Variants in REC114 observed in about 807,000 individuals in gnomAD.
REC114 encodes REC114 meiotic recombination protein, also known as meiotic recombination protein REC114.
In REC114, 27 loss-of-function variants were observed where a neutral mutation model predicts 31.3. The observed-to-expected ratio is 0.86, with a 90% CI of 0.64 to 1.19. The LOEUF (loss-of-function observed/expected upper bound fraction) is 1.19, where lower values mean the gene tolerates loss of function less well. Among genes scored for constraint, REC114 ranks in the 50% most tolerant of loss-of-function variants. The pLI, the probability that REC114 is intolerant of heterozygous loss-of-function variation, is 0.00. For synonymous variants in REC114, 134 were observed against 127.7 expected, an observed-to-expected ratio of 1.05 and a Z score of -0.33; for missense variants, 344 against 326.9, an observed-to-expected ratio of 1.05 and a Z score of -0.40.
chr15:73,467,347 G>A (rs1893076310), intron 1 of REC114, among the ~76,000 whole-genome samples: 2 of 152,158 alleles, frequency 1.3e-5, no homozygotes, highest in African/African-American at 4.8e-5. Flanking sequence ...ACCAAGCATT[G>A]CTTTATTGCC....
intron 2 of REC114, among the ~76,000 whole-genome samples, chr15:73,488,306 T>A (rs1303575795): frequency 6.6e-6 from 1 of 152,266 alleles, no homozygotes; most frequent in Non-Finnish European, 1.5e-5. Context: ...ACTATTCTTT[T>A]TATCAAATAG....
chr15:73,453,114 A>G (rs1892872515), intron 1 of REC114, among the ~76,000 whole-genome samples: 1 of 152,226 alleles, frequency 6.6e-6, no homozygotes, highest in South Asian at 2.1e-4. Context: ...AATGGCAACA[A>G]AAGCCAAAAT....
intron 2 of REC114, among the ~76,000 whole-genome samples, chr15:73,505,734 G>A (rs1893667460): frequency 6.6e-6 from 1 of 152,124 alleles, no homozygotes; most frequent in East Asian, 1.9e-4. Context: ...GGATTTCACC[G>A]TGTTAGCCAG....
chr15:73,502,265 A>C (rs982491709), intron 2 of REC114, among the ~76,000 whole-genome samples: 1 of 152,166 alleles, frequency 6.6e-6, no homozygotes, highest in African/African-American at 2.4e-5. Flanking sequence ...TAGAAAAAAA[A>C]ATATAAAAGC....
chr15:73,466,217 T>C (rs995461243), intron 1 of REC114, among the ~76,000 whole-genome samples: 8 of 152,204 alleles, frequency 5.3e-5, no homozygotes, highest in African/African-American at 1.9e-4. Flanking sequence ...TGATATTTTA[T>C]GAAATTGTTC....
At chr15:73,537,107 C>T (rs923493566) in intron 2 of REC114, among the ~76,000 whole-genome samples, 9 of 152,112 alleles carry the variant, frequency 5.9e-5, no homozygotes, top group African/African-American at 1.9e-4. Context: ...TATTCATTAG[C>T]GAGCAAAACG....
intron 1 of REC114, among the ~76,000 whole-genome samples, chr15:73,448,844 A>G (rs922832928): frequency 1.3e-5 from 2 of 152,210 alleles, no homozygotes; most frequent in African/African-American, 4.8e-5. Flanking sequence ...GGTGATACCC[A>G]GGCAAACAGG....
intron 3 of REC114, among the ~76,000 whole-genome samples, chr15:73,548,958 A>G (rs547421577): frequency 2.1e-4 from 32 of 152,226 alleles, no homozygotes; most frequent in Non-Finnish European, 4.0e-4. Context: ...GTTCTCACTT[A>G]TAAGTGGGAG....
At chr15:73,470,025 A>C (rs1595863393) in intron 1 of REC114, among the ~76,000 whole-genome samples, 1 of 152,184 alleles carries the variant, frequency 6.6e-6, no homozygotes, top group Non-Finnish European at 1.5e-5. Flanking sequence ...TTATATTTAA[A>C]GTGCATTTCT....
chr15:73,473,400 C>CA (rs945748563), intron 1 of REC114, among the ~76,000 whole-genome samples: 2 of 149,636 alleles, frequency 1.3e-5, no homozygotes, highest in East Asian at 1.9e-4. Context: ...AAAAAAAAAA[C>CA]AAAAAAGAAA....
Position 73,530,747 on chromosome 15 carries a change from AT to A in REC114, c.250-9727del, listed in dbSNP as rs61336545. 8.7e-3 allele frequency among the ~76,000 whole-genome samples: 1,305 copies of A among 149,738 alleles called. 15 individuals are homozygous for A. The highest frequency in any genetic ancestry group is 0.013 in the Non-Finnish European group (888 of 67,400). On this transcript the variant is annotated intron_variant, in intron 2 of 5. Transcript: ENST00000331090. ...ATTTGTAGCAATTCTCTTATCATGG[AT>A]TTTTTTTTTTCTGTTTTCAGTGAAA...
At chr15:73,538,658 G>C (rs1045873828) in intron 2 of REC114, among the ~76,000 whole-genome samples, 1 of 151,628 alleles carries the variant, frequency 6.6e-6, no homozygotes, top group African/African-American at 2.4e-5. Context: ...GGGTTTCTCT[G>C]TGTTAGCCAA....
intron 3 of REC114, among the ~76,000 whole-genome samples, chr15:73,549,684 ACT>A (rs1215787859): frequency 1.3e-5 from 2 of 151,894 alleles, no homozygotes; most frequent in African/African-American, 4.8e-5. Flanking sequence ...GATATATATG[ACT>A]CTTCATATTT....
chr15:73,524,749 C>A (rs188239411), intron 2 of REC114, among the ~76,000 whole-genome samples: 1 of 152,084 alleles, frequency 6.6e-6, no homozygotes, highest in Non-Finnish European at 1.5e-5. Context: ...AGGCACCCAC[C>A]ACCATGCTAG....
rs954660523 is a variant in REC114 at position 73,547,812 on chromosome 15, C to CTA, written c.334-3123_334-3122dup. On this transcript the variant is annotated intron_variant, in intron 3 of 5. Coordinates refer to ENST00000331090, the MANE Select transcript of REC114 (RefSeq NM_001042367.2). The stretch of plus-strand genomic sequence containing the variant: ...AGAGACTTAAATGTAAAACCAAACG[C>CTA]TATAAAAATGCTGGAAGACAACCTA... 1.2e-4 allele frequency among the ~76,000 whole-genome samples: 18 copies of CTA among 152,112 alleles called. 1 individual carries two copies. Among genetic ancestry groups the CTA allele is most frequent in the Admixed American group, 5.9e-4 (9 of 15,264 alleles).
chr15:73,477,176 G>A lies in REC114; in HGVS notation c.249+3255G>A, dbSNP rs117526429. On this transcript the variant is annotated intron_variant, in intron 2 of 5. Coordinates refer to ENST00000331090, the MANE Select transcript of REC114 (RefSeq NM_001042367.2). Reference sequence around the variant, plus strand: ...TGTCTCATTGGTGAAGTGTCTGTTCGTGTCTTTTAACCATTGAGTTGTTTG... The same window carrying A: ...TGTCTCATTGGTGAAGTGTCTGTTCATGTCTTTTAACCATTGAGTTGTTTG... Among the ~76,000 whole-genome samples, 546 of 152,162 alleles carry A rather than the reference G, an allele frequency of 3.6e-3. 7 individuals carry two copies. The highest frequency in any genetic ancestry group is 0.028 in the East Asian group (146 of 5,176).
chr15:73,539,014 C>T (rs865900902), intron 2 of REC114, among the ~76,000 whole-genome samples: 12 of 151,836 alleles, frequency 7.9e-5, no homozygotes, highest in South Asian at 4.1e-4. Context: ...AATGTAAATA[C>T]ATTTGTAATT....
chr15:73,491,332 G>A (rs76998208), intron 2 of REC114, among the ~76,000 whole-genome samples: 6,733 of 49,820 alleles, frequency 0.14, 165 homozygotes, highest in South Asian at 0.23. Flanking sequence ...AAGTATTTGT[G>A]TATTATCTTA....
intron 1 of REC114, among the ~76,000 whole-genome samples, chr15:73,444,171 AG>A (rs1171875057): frequency 1.3e-5 from 2 of 152,176 alleles, no homozygotes; most frequent in Non-Finnish European, 2.9e-5. Context: ...GACTGATCAG[AG>A]TGGTGGTTTC....
Sources: gnomAD v4.1 joint callset for allele counts (sites outside exome capture counted in the v4.1 genomes callset) on GRCh38, gnomAD v4.1.1 for gene constraint, MANE v1.5 for transcripts, NCBI Gene and HGNC (gene_info 2026-07-23, HGNC 2026-07-21) for gene names.